Variants in XKR9 observed in about 807,000 individuals in gnomAD.
XKR9 encodes the protein XK-related protein 9.
Under a neutral mutation model 32.0 loss-of-function variants are expected in XKR9, and 32 were observed. The ratio of observed to expected loss-of-function variants is 1.00; its 90% CI spans 0.76 to 1.34. XKR9 has a LOEUF of 1.34. Ranked by LOEUF, XKR9 falls within the 40% of genes most tolerant of loss-of-function variation. XKR9 has a pLI of 0.00. For missense variants in XKR9, 546 were observed against 429.7 expected, an observed-to-expected ratio of 1.27 and a Z score of -2.39; for synonymous variants, 168 against 143.4, an observed-to-expected ratio of 1.17 and a Z score of -1.22.
chr8:70,913,859 T>G, the XKR9 span, among the ~76,000 whole-genome samples: 2 of 152,140 alleles, frequency 1.3e-5, no homozygotes, highest in African/African-American at 4.8e-5. Flanking sequence ...AATTGTATAT[T>G]CCTTTATGCC....
intron 2 of XKR9, among the ~76,000 whole-genome samples, chr8:70,749,785 T>A (rs1266590050): frequency 6.6e-6 from 1 of 152,204 alleles, no homozygotes; most frequent in African/African-American, 2.4e-5. Flanking sequence ...TTCTGGCTGG[T>A]GACAGACCAG....
chr8:71,033,216 T>C, the XKR9 span, among the ~76,000 whole-genome samples: 1 of 152,186 alleles, frequency 6.6e-6, no homozygotes, highest in Non-Finnish European at 1.5e-5. Context: ...TGGGTTCAAA[T>C]CCAGACTCCC....
the XKR9 span, among the ~76,000 whole-genome samples, chr8:70,865,327 A>G: frequency 6.6e-6 from 1 of 151,780 alleles, no homozygotes; most frequent in South Asian, 2.1e-4. Context: ...GCTGAGAGGA[A>G]CCCTAAAATT....
At chr8:70,710,577 C>T (rs1805879930) in intron 4 of XKR9, among the ~76,000 whole-genome samples, 1 of 152,044 alleles carries the variant, frequency 6.6e-6, no homozygotes, top group Non-Finnish European at 1.5e-5. Flanking sequence ...GTGGCATGTG[C>T]CTGTAATCCT....
intron 2 of XKR9, among the ~76,000 whole-genome samples, chr8:70,764,218 C>A (rs561366397): frequency 2.6e-5 from 4 of 152,216 alleles, no homozygotes; most frequent in Non-Finnish European, 5.9e-5. Flanking sequence ...TTCTGCTCGA[C>A]TTTCCTTCTC....
rs369664634 is a variant in XKR9, at chr8:70,734,394, A to G, written c.1092A>G (p.Glu364=). 18 of 1,598,406 alleles carry G rather than the reference A, an allele frequency of 1.1e-5. No individual in the cohort carries two copies. Among genetic ancestry groups the G allele is most frequent in the Non-Finnish European group, 1.4e-5 (16 of 1,176,518 alleles). Residue 364 remains glutamate (E), a synonymous_variant, in exon 5 of 5, where the codon GAA becomes GAG. Coordinates refer to ENST00000408926, the MANE Select transcript of XKR9 (RefSeq NM_001011720.2). The part of the protein sequence containing the change: ...DEIDGKPVLR[E]CRMRYFLME ...TTGATGGAAAACCAGTTCTAAGAGA[A>G]TGTAGAATGAGATATTTCCTAATGG...
At chr8:70,822,021 T>C in the XKR9 span, among the ~76,000 whole-genome samples, 1 of 152,222 alleles carries the variant, frequency 6.6e-6, no homozygotes, top group African/African-American at 2.4e-5. Flanking sequence ...GGCTGCAAAT[T>C]TTCCAAACTT....
chr8:70,731,002 T>A (rs1806645301), intron 4 of XKR9, among the ~76,000 whole-genome samples: 1 of 152,160 alleles, frequency 6.6e-6, no homozygotes, highest in South Asian at 2.1e-4. Flanking sequence ...TAGAGAAATT[T>A]CATCCAGTAT....
chr8:70,901,381 G>A, the XKR9 span, among the ~76,000 whole-genome samples: 1 of 152,138 alleles, frequency 6.6e-6, no homozygotes, highest in African/African-American at 2.4e-5. Context: ...TCTCATTGTG[G>A]TTTTGATTTG....
intron 4 of XKR9, among the ~76,000 whole-genome samples, chr8:70,725,090 T>C (rs148816151): frequency 1.3e-5 from 2 of 152,098 alleles, no homozygotes; most frequent in Non-Finnish European, 2.9e-5. Context: ...CAGAGGCCCT[T>C]TATGAAACCA....
intron 4 of XKR9, among the ~76,000 whole-genome samples, chr8:70,723,821 C>T (rs1428846611): frequency 6.6e-6 from 1 of 152,050 alleles, no homozygotes; most frequent in African/African-American, 2.4e-5. Context: ...GGCAGTCTGT[C>T]CCTTATCAGA....
the XKR9 span, among the ~76,000 whole-genome samples, chr8:71,061,521 T>C: frequency 2.0e-5 from 3 of 152,340 alleles, no homozygotes; most frequent in East Asian, 5.8e-4. Flanking sequence ...TCTTGTCTCC[T>C]GTTACATATG....
chr8:70,710,950 C>G (rs563628088), intron 4 of XKR9, among the ~76,000 whole-genome samples: 1 of 151,972 alleles, frequency 6.6e-6, no homozygotes. Context: ...CAAACAACCC[C>G]GTTAAAAAAT....
At chr8:70,760,992 C>A (rs1400887751) in intron 2 of XKR9, among the ~76,000 whole-genome samples, 3 of 152,170 alleles carry the variant, frequency 2.0e-5, no homozygotes, top group Non-Finnish European at 4.4e-5. Context: ...TGTTACTTTG[C>A]TAAAGATAAT....
At chr8:71,044,647 T>C in the XKR9 span, among the ~76,000 whole-genome samples, 1 of 152,228 alleles carries the variant, frequency 6.6e-6, no homozygotes. Context: ...CTTTAAAAAA[T>C]AGTATTAGTA....
chr8:71,050,001 CAT>C, the XKR9 span, among the ~76,000 whole-genome samples: 1 of 151,878 alleles, frequency 6.6e-6, no homozygotes, highest in Non-Finnish European at 1.5e-5. Flanking sequence ...AAATATAAAA[CAT>C]GTGGGTGCTA....
intron 3 of XKR9, among the ~76,000 whole-genome samples, chr8:70,697,248 C>G (rs932074089): frequency 2.0e-5 from 3 of 151,798 alleles, no homozygotes; most frequent in African/African-American, 7.3e-5. Context: ...GAGAGGGCAT[C>G]CCTGTCTTGT....
chr8:70,918,991 A>G, the XKR9 span, among the ~76,000 whole-genome samples: 1 of 151,534 alleles, frequency 6.6e-6, no homozygotes, highest in African/African-American at 2.4e-5. Flanking sequence ...GTTTGCCAGG[A>G]TGGTCTCAAT....
At chr8:70,695,537 A>G (rs1805236855) in intron 3 of XKR9, among the ~76,000 whole-genome samples, 3 of 151,820 alleles carry the variant, frequency 2.0e-5, no homozygotes, top group South Asian at 4.2e-4. Context: ...ATAGTATTCC[A>G]TGGTGTATAT....
Sources: allele counts gnomAD v4.1 joint callset (sites outside exome capture counted in the v4.1 genomes callset), GRCh38; gene constraint gnomAD v4.1.1; transcripts MANE v1.5; gene names NCBI Gene and HGNC (gene_info 2026-07-23, HGNC 2026-07-21).